SNRPF: variants seen among roughly 807,000 people sequenced by gnomAD.
The protein encoded by SNRPF is small nuclear ribonucleoprotein F.
Under a neutral mutation model 13.4 loss-of-function variants are expected in SNRPF, and 1 was observed. The ratio of observed to expected loss-of-function variants is 0.07; its 90% confidence interval spans 0.03 to 0.35. The LOEUF (loss-of-function observed/expected upper bound fraction) is 0.35, where lower values mean the gene tolerates loss of function less well. SNRPF is among the 10% of genes least tolerant of loss of function. The probability of loss-of-function intolerance (pLI) is 0.99; values close to 1 mark genes in which losing one functional copy is unlikely to be tolerated. For synonymous variants in SNRPF, 27 were observed against 32.1 expected (o/e 0.84, Z 0.54); for missense variants, 53 against 101.0 (o/e 0.52, Z 2.04).
intron 2 of SNRPF, among the ~76,000 whole-genome samples, chr12:95,862,280 G>A (rs914532369): frequency 1.2e-4 from 19 of 152,068 alleles, no homozygotes; most frequent in African/African-American, 4.6e-4. Flanking sequence ...TGGACACTGG[G>A]TTGCTTCCCT....
chr12:95,861,253 A>G lies in SNRPF; in HGVS notation c.89A>G (p.Lys30Arg). ...AAACTTAAGTGGGGAATGGAGTACAAGGGCTATCTGGTATCTGTAGATGGC... is the reference window on the plus strand; with the variant it reads ...AAACTTAAGTGGGGAATGGAGTACAGGGGCTATCTGGTATCTGTAGATGGC... ...MVKLKWGMEY[K>R]GYLVSVDGYM... The change falls in exon 2 of 4, where the codon AAG becomes AGG. Residue 30 changes from lysine to arginine, a missense_variant. Lys to Arg is a conservative substitution (Grantham distance 26, BLOSUM62 2). Transcript: ENST00000266735. The G allele has an allele frequency of 1.2e-6, 2 of 1,612,170 alleles. No individual in the cohort carries two copies. Among genetic ancestry groups the G allele is most frequent in the African/African-American group, 1.3e-5 (1 of 75,006 alleles).
At chr12:95,864,104 A>G (rs902489623) in intron 2 of SNRPF, among the ~76,000 whole-genome samples, 2 of 152,238 alleles carry the variant, frequency 1.3e-5, no homozygotes, top group South Asian at 2.1e-4. Context: ...ACAACCTCGT[A>G]TATTTCAGAC....
At chr12:95,865,071 AATATT>A (rs1472578950) in intron 2 of SNRPF, 2 of 286,250 alleles carry the variant, frequency 7.0e-6, no homozygotes, top group African/African-American at 4.3e-5. Flanking sequence ...AATAGAAAGA[AATATT>A]ACATAACCTG....
chr12:95,859,173 A>T lies in SNRPF; in HGVS notation c.3+97A>T, dbSNP rs1365823084. On this transcript the variant is annotated intron_variant, in intron 1 of 3. Transcript: ENST00000266735. Reference sequence around the variant, plus strand: ...TGGTTCCTTCGCGCGTTTCCCATTCATCCGCGTGAGGCGCCGCGCACCCTG... The same window carrying T: ...TGGTTCCTTCGCGCGTTTCCCATTCTTCCGCGTGAGGCGCCGCGCACCCTG... 3 of 1,145,750 alleles carry T rather than the reference A, an allele frequency of 2.6e-6. No homozygotes were observed. The East Asian group carries it at 7.2e-5, about 28-fold the overall frequency. The allele number at this position is 1,145,750 out of a possible 1,614,324, so 71.0% of individuals were successfully genotyped here.
chr12:95,859,542 G>A (rs1195417106), intron 1 of SNRPF, among the ~76,000 whole-genome samples: 1 of 152,218 alleles, frequency 6.6e-6, no homozygotes, highest in Non-Finnish European at 1.5e-5. Flanking sequence ...GAGGGTGCGC[G>A]TTAGACATTA....
intron 2 of SNRPF, among the ~76,000 whole-genome samples, chr12:95,864,743 G>GA (rs1405451598): frequency 3.9e-5 from 6 of 152,184 alleles, no homozygotes; most frequent in African/African-American, 1.4e-4. Flanking sequence ...CATCTCTACA[G>GA]AAAAAATTGT....
intron 1 of SNRPF, among the ~76,000 whole-genome samples, 172 bp downstream of exon 1, chr12:95,859,248 C>T (rs1476258463): frequency 6.6e-6 from 1 of 152,134 alleles, no homozygotes; most frequent in Non-Finnish European, 1.5e-5. Flanking sequence ...GCGTGCTCCT[C>T]CCGATGCCTT....
intron 2 of SNRPF, chr12:95,861,879 A>G (rs960505059): frequency 1.4e-4 from 22 of 152,352 alleles, no homozygotes; most frequent in African/African-American, 5.3e-4. Context: ...ATTCAGTGGC[A>G]TTAAGTACCT....
In SNRPF at chr12:95,863,932, C is replaced by T. The variant is rs201806146; in HGVS notation, c.130-1392C>T. ...ATGACAGAAAGTTAGGTTAAAATGG[C>T]GGCCATAGAGAGCCTGTTAAGTGAT... On this transcript the variant is annotated intron_variant, in intron 2 of 3. Transcript: ENST00000266735. Among the ~76,000 whole-genome samples, 49 of 152,144 alleles carry T rather than the reference C, an allele frequency of 3.2e-4. 1 individual carries two copies. The highest frequency in any genetic ancestry group is 2.3e-3 in the East Asian group (12 of 5,186).
chr12:95,861,948 A>G (rs962434440), intron 2 of SNRPF: 1 of 152,232 alleles, frequency 6.6e-6, no homozygotes, highest in Non-Finnish European at 1.5e-5. Context: ...ACCATCCAAA[A>G]GTGAAATTTT....
In SNRPF at chr12:95,862,930, A is replaced by G. The variant is rs945295486; in HGVS notation, c.129+1637A>G. 2.6e-5 allele frequency among the ~76,000 whole-genome samples: 4 copies of G among 151,946 alleles called. No homozygotes were observed. The East Asian group carries it at 7.7e-4, about 29-fold the overall frequency. ...ATGTTGAGCACCTTTTCATGTGTTTATTGGCCATTTGTTTATCTTTGGAGA... is the reference window on the plus strand; with the variant it reads ...ATGTTGAGCACCTTTTCATGTGTTTGTTGGCCATTTGTTTATCTTTGGAGA... On this transcript the variant is annotated intron_variant, in intron 2 of 3. Transcript: ENST00000266735.
At chr12:95,864,510 A>G (rs946967721) in intron 2 of SNRPF, among the ~76,000 whole-genome samples, 5 of 152,232 alleles carry the variant, frequency 3.3e-5, no homozygotes, top group Admixed American at 1.3e-4. Flanking sequence ...GAAACACACT[A>G]CTTTGCTGTA....
At chr12:95,865,154 A>G (rs1194499249) in intron 2 of SNRPF, 170 bp from the exon 3 acceptor site, 2 of 411,650 alleles carry the variant, frequency 4.9e-6, no homozygotes, top group African/African-American at 2.0e-5. Flanking sequence ...ATATGAAACC[A>G]AAAGTACTAC....
chr12:95,860,434 C>T (rs2079489958), intron 1 of SNRPF, among the ~76,000 whole-genome samples: 1 of 152,130 alleles, frequency 6.6e-6, no homozygotes, highest in Non-Finnish European at 1.5e-5. Context: ...TTCCTTTTTC[C>T]CCTGGATTGC....
intron 2 of SNRPF, among the ~76,000 whole-genome samples, chr12:95,864,053 A>G (rs2079509633): frequency 1.3e-5 from 2 of 152,224 alleles, no homozygotes; most frequent in Non-Finnish European, 1.5e-5. Context: ...AGTTGCTCTT[A>G]ATACATTATT....
At chr12:95,860,028 C>G (rs2079487723) in intron 1 of SNRPF, among the ~76,000 whole-genome samples, 1 of 152,190 alleles carries the variant, frequency 6.6e-6, no homozygotes, top group South Asian at 2.1e-4. Context: ...GGTTAGTAGC[C>G]AAGTTTCTTA....
chr12:95,864,859 C>G (rs914305944), intron 2 of SNRPF, among the ~76,000 whole-genome samples: 3 of 152,202 alleles, frequency 2.0e-5, no homozygotes, highest in Admixed American at 1.3e-4. Flanking sequence ...TATGATTGTG[C>G]CACTGCATTC....
intron 2 of SNRPF, 40 bp downstream of exon 2, chr12:95,861,333 T>C (rs776727833): frequency 1.3e-6 from 2 of 1,581,424 alleles, no homozygotes; most frequent in East Asian, 4.6e-5. Context: ...ATTGCATTTA[T>C]TTTGCTTCAC....
At chr12:95,864,659 C>A (rs1007356586) in intron 2 of SNRPF, among the ~76,000 whole-genome samples, 7 of 152,214 alleles carry the variant, frequency 4.6e-5, no homozygotes, top group Admixed American at 1.3e-4. Context: ...AATCCCAGCA[C>A]TTTGGGAGGC....
Sources: allele counts gnomAD v4.1 joint callset (sites outside exome capture counted in the v4.1 genomes callset), GRCh38; gene constraint gnomAD v4.1.1; transcripts MANE v1.5; gene names NCBI Gene and HGNC (gene_info 2026-07-23, HGNC 2026-07-21).